CDH23: variants seen among roughly 807,000 people sequenced by gnomAD.
CDH23 encodes the protein cadherin-23.
CDH23 carries 189 observed loss-of-function variants against 317.1 expected under a neutral mutation model. The observed-to-expected ratio is 0.60, with a 90% CI of 0.53 to 0.67. CDH23 has a LOEUF of 0.67. Among genes scored for constraint, CDH23 ranks in the 30% least tolerant of loss-of-function variants. The pLI is 0.00. For missense variants in CDH23, 4,401 were observed against 4,592.4 expected (o/e 0.96, Z 1.20); for synonymous variants, 1,839 against 1,876.8 (o/e 0.98, Z 0.52).
At position 71,799,475 on chromosome 10, in the gene CDH23, T is replaced by C; in HGVS notation, c.7225-17T>C. On this transcript the variant is annotated splice_polypyrimidine_tract_variant and intron_variant, in intron 51 of 69. Coordinates refer to ENST00000224721, the MANE Select transcript of CDH23 (RefSeq NM_022124.6). ...CTGACCTTGGCCTACTCTCTCTCCCTGCCCCCTGGGCTCCAGGAGGCTGTC... is the reference window on the plus strand; with the variant it reads ...CTGACCTTGGCCTACTCTCTCTCCCCGCCCCCTGGGCTCCAGGAGGCTGTC... The C allele has an allele frequency of 2.5e-6, 4 of 1,613,932 alleles. No homozygotes were observed. Among genetic ancestry groups the C allele is most frequent in the Middle Eastern group, 1.7e-4 (1 of 6,018 alleles).
Position 71,558,798 on chromosome 10 carries a change from G to A in CDH23, c.430-7944G>A, listed in dbSNP as rs74550615. 3.9e-3 allele frequency among the ~76,000 whole-genome samples: 593 copies of A among 152,344 alleles called. 2 individuals carry two copies. Among genetic ancestry groups the A allele is most frequent in the Non-Finnish European group, 7.1e-3 (481 of 68,040 alleles). ...GGATCTGCAACATGTCAATGTTTGT[G>A]TTTTCTCTTGCACCAGTTTTCCTTT... On this transcript the variant is annotated intron_variant, in intron 6 of 69. Coordinates refer to ENST00000224721, the MANE Select transcript of CDH23 (RefSeq NM_022124.6).
intron 38 of CDH23, among the ~76,000 whole-genome samples, chr10:71,760,233 A>G (rs1342726940): frequency 4.6e-5 from 2 of 43,828 alleles, no homozygotes; most frequent in East Asian, 1.1e-3. Context: ...ATATATATGT[A>G]TATACATATA....
chr10:71,547,075 G>A (rs909127128), intron 6 of CDH23, among the ~76,000 whole-genome samples: 1 of 152,352 alleles, frequency 6.6e-6, no homozygotes, highest in African/African-American at 2.4e-5. Context: ...ACACAGTGGA[G>A]AGCAGACTTG....
chr10:71,487,688 A>G (rs1852425902), intron 3 of CDH23, among the ~76,000 whole-genome samples: 1 of 152,160 alleles, frequency 6.6e-6, no homozygotes, highest in Admixed American at 6.5e-5. Flanking sequence ...CACCATGGTA[A>G]TGAAATAATT....
intron 38 of CDH23, chr10:71,773,650 C>A: frequency 2.2e-6 from 1 of 460,486 alleles, no homozygotes; most frequent in Non-Finnish European, 3.8e-6. Context: ...AGGGGCTTCC[C>A]GGAGGCCGGC....
At chr10:71,604,875 G>A (rs1022674685) in intron 9 of CDH23, among the ~76,000 whole-genome samples, 1 of 152,236 alleles carries the variant, frequency 6.6e-6, no homozygotes, top group African/African-American at 2.4e-5. Flanking sequence ...GCTCCTCTGT[G>A]AGCAAATTCC....
At chr10:71,697,111 C>T (rs1366482430) in intron 22 of CDH23, among the ~76,000 whole-genome samples, 2 of 152,230 alleles carry the variant, frequency 1.3e-5, no homozygotes, top group East Asian at 3.9e-4. Context: ...GCCTGGATTG[C>T]CGTTATCAAA....
chr10:71,583,937 G>A (rs1269383642), intron 9 of CDH23, among the ~76,000 whole-genome samples: 5 of 151,840 alleles, frequency 3.3e-5, no homozygotes, highest in Non-Finnish European at 7.4e-5. Context: ...CAACCCACTA[G>A]TTCTCAAAGT....
At chr10:71,710,202 C>CT (rs1233469737) in intron 27 of CDH23, among the ~76,000 whole-genome samples, 4 of 152,190 alleles carry the variant, frequency 2.6e-5, no homozygotes, top group Admixed American at 1.3e-4. Flanking sequence ...CCAGCCTCAC[C>CT]TGTACACATT....
intron 49 of CDH23, 57 bp downstream of exon 49, chr10:71,797,277 G>A (rs1327873849): frequency 4.0e-6 from 5 of 1,252,560 alleles, no homozygotes; most frequent in African/African-American, 1.5e-5. Flanking sequence ...AGGGCAGGGG[G>A]CAGGTGGGGA....
chr10:71,578,064 C>T, intron 9 of CDH23, 72 bp downstream of exon 9: 1 of 1,449,038 alleles, frequency 6.9e-7, no homozygotes, highest in South Asian at 1.2e-5. Flanking sequence ...GTAGGCATCT[C>T]AGGCTCTGAG....
At chr10:71,546,262 C>T (rs1203586473) in intron 6 of CDH23, among the ~76,000 whole-genome samples, 2 of 152,204 alleles carry the variant, frequency 1.3e-5, no homozygotes, top group African/African-American at 4.8e-5. Flanking sequence ...GCATCTTCCT[C>T]TCTACCTTTA....
intron 12 of CDH23, 94 bp downstream of exon 12, chr10:71,643,960 T>C (rs1443872130): frequency 5.4e-6 from 4 of 734,556 alleles, no homozygotes; most frequent in Non-Finnish European, 1.0e-5. Context: ...AGCTCAGCCC[T>C]CCCCCACCCT....
intron 28 of CDH23, among the ~76,000 whole-genome samples, chr10:71,720,626 C>T (rs1369399604): frequency 6.6e-6 from 1 of 152,190 alleles, no homozygotes; most frequent in Non-Finnish European, 1.5e-5. Flanking sequence ...GACCCATTCC[C>T]TTTTTTGGAG....
At chr10:71,420,879 A>T (rs1000561716) in intron 1 of CDH23, among the ~76,000 whole-genome samples, 1 of 151,690 alleles carries the variant, frequency 6.6e-6, no homozygotes, top group South Asian at 2.1e-4. Flanking sequence ...TCCGGAAGGT[A>T]CCCCCCGTCG....
chr10:71,602,549 G>A (rs1427808498), intron 9 of CDH23, among the ~76,000 whole-genome samples: 1 of 152,176 alleles, frequency 6.6e-6, no homozygotes, highest in Non-Finnish European at 1.5e-5. Flanking sequence ...AGTTGGAGGG[G>A]GAGGCTGGAC....
chr10:71,773,602 G>T (rs936490846), intron 38 of CDH23: 56 of 562,778 alleles, frequency 1.0e-4, no homozygotes, highest in Non-Finnish European at 1.1e-4. Context: ...CCCCCGGGGG[G>T]CCGTGTGGGG....
intron 6 of CDH23, among the ~76,000 whole-genome samples, chr10:71,538,560 CT>C (rs2132280901): frequency 6.6e-6 from 1 of 151,908 alleles, no homozygotes; most frequent in East Asian, 1.9e-4. Context: ...ATTTTTTTTT[CT>C]GTTTCTCCGA....
intron 28 of CDH23, chr10:71,716,418 T>C (rs1866242186): frequency 1.6e-6 from 2 of 1,232,496 alleles, no homozygotes; most frequent in South Asian, 3.2e-5. Context: ...AAGACTTACC[T>C]AGGGAATGTG....
Sources: gnomAD v4.1 joint callset for allele counts (sites outside exome capture counted in the v4.1 genomes callset) on GRCh38, gnomAD v4.1.1 for gene constraint, MANE v1.5 for transcripts, NCBI Gene and HGNC (gene_info 2026-07-23, HGNC 2026-07-21) for gene names.